Variants in DICER1 observed in about 807,000 individuals in gnomAD.
DICER1 encodes the protein endoribonuclease Dicer.
A neutral mutation model predicts 194.1 loss-of-function variants in DICER1; 43 were observed. The ratio of observed to expected loss-of-function variants is 0.22; its 90% CI spans 0.17 to 0.29. The LOEUF (loss-of-function observed/expected upper bound fraction) is 0.29. Ranked by LOEUF, DICER1 falls within the 10% of genes least tolerant of loss-of-function variation. The pLI is 1.00. For synonymous variants in DICER1, 832 were observed against 820.5 expected, an observed-to-expected ratio of 1.01 and a Z score of -0.24; for missense variants, 1,608 against 2,317.0, an observed-to-expected ratio of 0.69 and a Z score of 6.28.
chr14:95,145,524 A>C (rs1351483519), intron 1 of DICER1, among the ~76,000 whole-genome samples: 1 of 152,232 alleles, frequency 6.6e-6, no homozygotes, highest in African/African-American at 2.4e-5. Context: ...ATAATCATGG[A>C]TATTTCAAAA....
At chr14:95,123,206 C>G (rs1408938775) in intron 8 of DICER1, among the ~76,000 whole-genome samples, 1 of 152,126 alleles carries the variant, frequency 6.6e-6, no homozygotes, top group African/African-American at 2.4e-5. Context: ...TGAAGTATAG[C>G]TCCCTGGCTG....
Position 95,124,111 on chromosome 14 carries a change from G to T in DICER1, c.1376+85C>A. ...GGACACTTACATAACCCTCATGCTA[G>T]CTCTTACAGCTGCTGCAGCGCATCA... is the stretch of plus-strand genomic sequence containing the variant. On this transcript the variant is annotated intron_variant, in intron 8 of 26. Coordinates refer to ENST00000343455, the MANE Select transcript of DICER1 (RefSeq NM_177438.3). This position sits in a 1 kb window ranked among gnomAD's most constrained non-coding sequence, Gnocchi z 4.5. 3.1e-6 allele frequency: 3 copies of T among 974,088 alleles called. No homozygotes were observed. Among genetic ancestry groups the T allele is most frequent in the African/African-American group, 1.6e-5 (1 of 62,596 alleles). The allele number at this position is 974,088 out of a possible 1,614,324, so 60.3% of individuals were successfully genotyped here. A position where few individuals can be genotyped will look rare whatever the true frequency, so the allele number is the denominator to read the frequency against.
chr14:95,137,980 G>T (rs1290335554), intron 1 of DICER1: 1 of 154,688 alleles, frequency 6.5e-6, no homozygotes, highest in Non-Finnish European at 1.5e-5. Context: ...AACAGGCAGG[G>T]CAGGGAAGCT....
chr14:95,101,901 T>TA (rs1233690951), intron 21 of DICER1, among the ~76,000 whole-genome samples: 2 of 152,108 alleles, frequency 1.3e-5, no homozygotes, highest in Non-Finnish European at 2.9e-5. Context: ...CCGGAGCAGT[T>TA]AGTGTGATGG....
At position 95,133,511 on chromosome 14, in the gene DICER1, A is replaced by C; in HGVS notation, c.-45-8T>G. On this transcript the variant is annotated splice_region_variant and splice_polypyrimidine_tract_variant and intron_variant, in intron 1 of 26. Coordinates refer to ENST00000343455, the MANE Select transcript of DICER1 (RefSeq NM_177438.3). ...TTGTTCTAGCACAGCTTACTACAAA[A>C]GGGAAAAAGAATACCATTACACAAT... The C allele has an allele frequency of 1.3e-6, 2 of 1,561,490 alleles. No homozygotes were observed. The highest frequency in any genetic ancestry group is 4.7e-5 in the East Asian group (2 of 42,730).
In DICER1 at chr14:95,096,147, G is replaced by C. The variant is rs138308365; in HGVS notation, c.4773C>G (p.Leu1591=). 4 of 1,614,144 alleles carry C rather than the reference G, an allele frequency of 2.5e-6. No individual in the cohort carries two copies. In the East Asian group the frequency reaches 6.7e-5, roughly 27 times the overall value. ...LFLCSLGLKV[L]PVIKRTDREK... is the part of the protein sequence containing the mutation. ...CCCGATCAGTCCTTTTAATTACCGGGAGCACCTTCAGCCCCAGTGAACAGA... is the reference window on the plus strand; with the variant it reads ...CCCGATCAGTCCTTTTAATTACCGGCAGCACCTTCAGCCCCAGTGAACAGA... Residue 1591 remains leucine (L), a synonymous_variant, in exon 23 of 27, where the codon CTC becomes CTG. Coordinates refer to ENST00000343455, the MANE Select transcript of DICER1 (RefSeq NM_177438.3).
chr14:95,129,244 A>T (rs1893738924), intron 6 of DICER1: 10 of 486,962 alleles, frequency 2.1e-5, no homozygotes, highest in Non-Finnish European at 3.7e-5. Context: ...GCTGACACAT[A>T]ATCTCTTAAG....
At chr14:95,106,375 A>AAGT (rs1891429942) in intron 17 of DICER1, 152 bp from the exon 18 acceptor site, 1 of 662,172 alleles carries the variant, frequency 1.5e-6, no homozygotes, top group African/African-American at 1.8e-5. Context: ...AATATATTTC[A>AAGT]AGTATGTAAG....
At position 95,124,531 on chromosome 14, in the gene DICER1, A is replaced by G. The variant is rs1248953279; in HGVS notation, c.1041T>C (p.Phe347=). 1 of 1,614,064 alleles carries G rather than the reference A, an allele frequency of 6.2e-7. No homozygotes were observed. Among genetic ancestry groups the G allele is most frequent in the Non-Finnish European group, 8.5e-7 (1 of 1,180,034 alleles). The change falls in exon 8 of 27, where the codon TTT becomes TTC. Residue 347 remains phenylalanine (F), a synonymous_variant. Coordinates refer to ENST00000343455, the MANE Select transcript of DICER1 (RefSeq NM_177438.3). This position sits in a 1 kb window ranked among gnomAD's most constrained non-coding sequence, Gnocchi z 4.5. ...QEELHRKFLL[F]TDTFLRKIHA... ...GTATTTTCCTTAGGAAAGTGTCTGT[A>G]AACAATAAAAATTTCCTGTGCAGCT...
At chr14:95,142,458 T>C (rs1894881833) in intron 1 of DICER1, among the ~76,000 whole-genome samples, 2 of 152,194 alleles carry the variant, frequency 1.3e-5, no homozygotes. Flanking sequence ...TGTCACCCTC[T>C]AGAGATGATT....
rs1894047897 is a variant in DICER1, at chr14:95,132,606, A to G, written c.216T>C (p.Phe72=). ...GCTCTTTAGTGAGTAGTACTGCAAT[A>G]AATGTCTTCCCTGAGCCAGTGTTTA... The part of the protein sequence containing the change: ...VCLNTGSGKT[F]IAVLLTKELS... Residue 72 remains phenylalanine (F), a synonymous_variant, in exon 3 of 27, where the codon TTT becomes TTC. Coordinates refer to ENST00000343455, the MANE Select transcript of DICER1 (RefSeq NM_177438.3). 1 of 1,613,956 alleles carries G rather than the reference A, an allele frequency of 6.2e-7. No homozygotes were observed. The highest frequency in any genetic ancestry group is 8.5e-7 in the Non-Finnish European group (1 of 1,179,864).
rs775828379 is a variant in DICER1 at position 95,132,559 on chromosome 14, T to A, written c.263A>T (p.Asp88Val). The change falls in exon 3 of 27, where the codon GAC becomes GTC. Residue 88 changes from aspartate (D) to valine (V), a missense_variant. Physicochemically the swap from Asp to Val is radical, Grantham distance 152. Around this residue, in one of 10 missense-constraint regions of DICER1, gnomAD observed 657 missense variants for 910.1 expected, o/e 0.72. Transcript: ENST00000343455. ...TKELSYQIRG[D>V]FSRNGKRTVF... Reference sequence around the variant, plus strand: ...CGTCCTTTTTCCATTTCTGCTGAAGTCTCCCCTGATCTGATAGGACAGCTC... The same window carrying A: ...CGTCCTTTTTCCATTTCTGCTGAAGACTCCCCTGATCTGATAGGACAGCTC... The A allele has an allele frequency of 5.0e-6, 8 of 1,613,870 alleles. No homozygotes were observed. The Admixed American group carries it at 6.7e-5, about 13-fold the overall frequency.
In DICER1 at chr14:95,108,360, T is replaced by C. The variant is rs1555370902; in HGVS notation, c.2400A>G (p.Arg800=). The C allele has an allele frequency of 6.2e-7, 1 of 1,613,880 alleles. No homozygotes were observed. The highest frequency in any genetic ancestry group is 1.7e-5 in the Admixed American group (1 of 59,982). The part of the protein sequence containing the change: ...RKLYPPEDTT[R]CFGILTAKPI... ...GTTTGGCCGTCAGTATTCCAAAGCA[T>C]CTTGTGGTATCTTCAGGAGGATAGA... is the stretch of plus-strand genomic sequence containing the variant. The change falls in exon 15 of 27, where the codon AGA becomes AGG. Residue 800 remains arginine (R), a synonymous_variant. Transcript: ENST00000343455.
intron 1 of DICER1, among the ~76,000 whole-genome samples, chr14:95,155,241 T>A (rs1299484963): frequency 6.6e-6 from 1 of 152,166 alleles, no homozygotes; most frequent in Non-Finnish European, 1.5e-5. Context: ...AGGCACTCAA[T>A]AACACGTTTC....
intron 7 of DICER1, among the ~76,000 whole-genome samples, chr14:95,125,557 G>T (rs1181934251): frequency 1.1e-5 from 1 of 93,270 alleles, no homozygotes; most frequent in Non-Finnish European, 2.1e-5. Context: ...AAGGTCGGGG[G>T]AGGGAGAGGG....
In DICER1 at chr14:95,148,931, CT is replaced by C. The variant is rs539167482; in HGVS notation, c.-46+8298del. Among the ~76,000 whole-genome samples the C allele has an allele frequency of 1.4e-3, 205 of 150,674 alleles. 1 individual carries two copies. Among genetic ancestry groups the C allele is most frequent in the African/African-American group, 4.8e-3 (193 of 40,466 alleles). The stretch of plus-strand genomic sequence containing the variant: ...TGATTCCAAGTTTCTGTACTTTACT[CT>C]TTTTTTTTATTTTTTATTTGGAGAC... On this transcript the variant is annotated intron_variant, in intron 1 of 26. Transcript: ENST00000343455.
At chr14:95,133,238 T>C (rs982487542) in intron 2 of DICER1, 77 bp downstream of exon 2, 3 of 1,510,066 alleles carry the variant, frequency 2.0e-6, no homozygotes, top group Non-Finnish European at 2.8e-6. Context: ...ATGAGTTTTA[T>C]ATAAGTTGTG....
At position 95,099,943 on chromosome 14, in the gene DICER1, A is replaced by G; in HGVS notation, c.4051-8T>C. ...CAGATTACAGTTGCTGACCTTTAGC[A>G]GAAAATATTAGGATACTTATCCATA... On this transcript the variant is annotated splice_polypyrimidine_tract_variant and splice_region_variant and intron_variant, in intron 21 of 26. Transcript: ENST00000343455. 6.2e-7 allele frequency: 1 copy of G among 1,613,952 alleles called. No individual in the cohort carries two copies. The highest frequency in any genetic ancestry group is 8.5e-7 in the Non-Finnish European group (1 of 1,179,876).
intron 7 of DICER1, among the ~76,000 whole-genome samples, chr14:95,125,234 G>A (rs1893304441): frequency 6.6e-6 from 1 of 151,958 alleles, no homozygotes. Flanking sequence ...TTTCTAAACA[G>A]TAGGAAAGGC....
Sources: allele counts gnomAD v4.1 joint callset (sites outside exome capture counted in the v4.1 genomes callset), GRCh38; gene constraint gnomAD v4.1.1; regional missense constraint gnomAD v4.1.1; non-coding constraint Gnocchi (gnomAD v3.1); transcripts MANE v1.5; gene names NCBI Gene and HGNC (gene_info 2026-07-23, HGNC 2026-07-21).